The following CAST variants were observed in gnomAD, a reference collection of about 807,000 sequenced individuals.
CAST encodes calpastatin, also known as MIR583 host.
In CAST, 76 loss-of-function variants were observed where a neutral mutation model predicts 119.6. That is an observed-to-expected ratio of 0.64 (90% CI 0.53 to 0.77). CAST has a LOEUF of 0.77. Among genes scored for constraint, CAST ranks in the 30% least tolerant of loss-of-function variants. The pLI is 0.00. For missense variants in CAST, 953 were observed against 946.5 expected (o/e 1.01, Z -0.09); for synonymous variants, 319 against 331.6 (o/e 0.96, Z 0.41).
the CAST span, among the ~76,000 whole-genome samples, chr5:96,313,074 G>T: frequency 1.1e-4 from 17 of 152,070 alleles, no homozygotes; most frequent in South Asian, 3.3e-3. Flanking sequence ...GCCAACAAAA[G>T]GATAAAGATC....
At chr5:96,390,565 A>G in the CAST span, 1 of 152,612 alleles carries the variant, frequency 6.6e-6, no homozygotes, top group Non-Finnish European at 1.5e-5. Flanking sequence ...TTTCATTGAC[A>G]GAGGAACATG....
chr5:96,154,349 CA>C, the CAST span, among the ~76,000 whole-genome samples: 2 of 151,440 alleles, frequency 1.3e-5, no homozygotes, highest in Admixed American at 1.3e-4. Context: ...AGACCATAAG[CA>C]GCCTTATTTA....
chr5:96,290,170 T>C, the CAST span, among the ~76,000 whole-genome samples: 1 of 152,196 alleles, frequency 6.6e-6, no homozygotes, highest in Non-Finnish European at 1.5e-5. Flanking sequence ...GCTCAAAGTC[T>C]CATTCTTCTG....
At chr5:96,761,533 G>T (rs1416686116) in intron 24 of CAST, 2 of 152,146 alleles carry the variant, frequency 1.3e-5, no homozygotes, top group Non-Finnish European at 2.9e-5. Context: ...GGTAAAATTT[G>T]CAATTCTCCT....
chr5:96,529,883 G>A (rs1026024999), intron 1 of CAST: 4 of 411,824 alleles, frequency 9.7e-6, no homozygotes, highest in Admixed American at 2.7e-5. Flanking sequence ...TCAGAACTGT[G>A]AGTCAATTAA....
At chr5:96,329,702 T>C in the CAST span, among the ~76,000 whole-genome samples, 1 of 152,268 alleles carries the variant, frequency 6.6e-6, no homozygotes, top group Non-Finnish European at 1.5e-5. Context: ...TGTCAAGATT[T>C]AACAATTTCA....
At chr5:96,061,613 A>G in the CAST span, among the ~76,000 whole-genome samples, 1 of 151,646 alleles carries the variant, frequency 6.6e-6, no homozygotes, top group Non-Finnish European at 1.5e-5. Context: ...TCCTCCCAGT[A>G]TGTAGAGTTG....
the CAST span, among the ~76,000 whole-genome samples, chr5:95,982,289 A>G: frequency 6.6e-6 from 1 of 151,396 alleles, no homozygotes; most frequent in East Asian, 1.9e-4. Context: ...TTCCATTTTC[A>G]CCATTTTCTA....
chr5:95,980,843 A>G, the CAST span, among the ~76,000 whole-genome samples: 1 of 152,096 alleles, frequency 6.6e-6, no homozygotes. Context: ...GGGACCCCCA[A>G]GAGTAGTGCC....
chr5:96,749,041 A>G (rs903240190), intron 19 of CAST, among the ~76,000 whole-genome samples: 2 of 152,178 alleles, frequency 1.3e-5, no homozygotes, highest in Admixed American at 6.5e-5. Context: ...AGTTCCTATT[A>G]CCATATTCTT....
chr5:96,738,707 C>T (rs1025994572), intron 11 of CAST, among the ~76,000 whole-genome samples: 5 of 151,890 alleles, frequency 3.3e-5, no homozygotes, highest in African/African-American at 7.3e-5. Context: ...CCGAGGCAGG[C>T]GGATCATCTG....
the CAST span, among the ~76,000 whole-genome samples, chr5:96,096,410 A>G: frequency 2.0e-4 from 31 of 152,316 alleles, 1 homozygote; most frequent in African/African-American, 6.3e-4. Flanking sequence ...GAGCTTTAAC[A>G]TCAGCCCTCC....
the CAST span, among the ~76,000 whole-genome samples, chr5:96,424,283 G>A: frequency 2.6e-5 from 4 of 152,142 alleles, no homozygotes; most frequent in African/African-American, 4.8e-5. Flanking sequence ...TGGGGGGTGG[G>A]GTGACAAGTA....
intron 3 of CAST, among the ~76,000 whole-genome samples, chr5:96,721,461 G>A (rs1348568333): frequency 6.6e-6 from 1 of 152,066 alleles, no homozygotes; most frequent in Non-Finnish European, 1.5e-5. Flanking sequence ...GGTGGGGGAA[G>A]GTAAGGGAGA....
At chr5:96,547,627 A>G (rs547441369) in intron 1 of CAST, among the ~76,000 whole-genome samples, 2 of 152,346 alleles carry the variant, frequency 1.3e-5, no homozygotes, top group South Asian at 4.1e-4. Flanking sequence ...TGCCTTGACA[A>G]CTTTTAACTC....
At chr5:96,420,257 C>G in the CAST span, among the ~76,000 whole-genome samples, 1 of 152,162 alleles carries the variant, frequency 6.6e-6, no homozygotes, top group South Asian at 2.1e-4. Context: ...TCCAAGGTCA[C>G]CCTTTACTCT....
chr5:96,730,926 G>T, intron 9 of CAST, 66 bp downstream of exon 9: 3 of 1,207,006 alleles, frequency 2.5e-6, no homozygotes, highest in Non-Finnish European at 3.7e-6. Context: ...TATGAGAAAC[G>T]TATGCTCAAA....
rs1561408779 is a variant in CAST, at chr5:96,534,724, A to AAGGAAGTAAG, written c.60+4844_60+4845insAGGAAGTAAG. ...GAAGGAAGGAAGGAAGGAGAGAGAG[A>AAGGAAGTAAG]GAGAGAGAGAGAGAGAGAAAGAAAG... On this transcript the variant is annotated intron_variant, in intron 1 of 11. Coordinates refer to the CAST transcript ENST00000505143. 2.6e-4 allele frequency among the ~76,000 whole-genome samples: 5 copies of AAGGAAGTAAG among 19,492 alleles called. 2 individuals are homozygous for AAGGAAGTAAG. The highest frequency in any genetic ancestry group is 4.5e-3 in the East Asian group (2 of 442). The allele number at this position is 19,492 out of a possible 152,430, so 12.8% of individuals were successfully genotyped here.
At chr5:96,067,373 A>G in the CAST span, among the ~76,000 whole-genome samples, 1 of 152,204 alleles carries the variant, frequency 6.6e-6, no homozygotes, top group Admixed American at 6.5e-5. Flanking sequence ...GATATGGCTC[A>G]TTATAGTCTC....
Sources: gnomAD v4.1 joint callset for allele counts (sites outside exome capture counted in the v4.1 genomes callset) on GRCh38, gnomAD v4.1.1 for gene constraint, MANE v1.5 for transcripts, NCBI Gene and HGNC (gene_info 2026-07-23, HGNC 2026-07-21) for gene names.